ADCY5: variants seen among roughly 807,000 people sequenced by gnomAD.
The protein encoded by ADCY5 is adenylate cyclase type 5.
ADCY5 carries 30 observed loss-of-function variants against 119.7 expected under a neutral mutation model. That is an observed-to-expected ratio of 0.25 (90% CI 0.19 to 0.34). The LOEUF (loss-of-function observed/expected upper bound fraction) is 0.34. Ranked by LOEUF, ADCY5 falls within the 10% of genes least tolerant of loss-of-function variation. ADCY5 has a pLI of 1.00. For missense variants in ADCY5, 1,324 were observed against 1,775.2 expected (o/e 0.75, Z 4.57); for synonymous variants, 753 against 762.2 (o/e 0.99, Z 0.20).
At chr3:123,338,823 G>A (rs1942145594) in intron 3 of ADCY5, among the ~76,000 whole-genome samples, 1 of 152,224 alleles carries the variant, frequency 6.6e-6, no homozygotes, top group African/African-American at 2.4e-5. Flanking sequence ...TTGGTGAAGT[G>A]CATTTCCTCG....
At chr3:123,413,482 G>A (rs923319643) in intron 1 of ADCY5, among the ~76,000 whole-genome samples, 4 of 152,208 alleles carry the variant, frequency 2.6e-5, no homozygotes, top group Non-Finnish European at 4.4e-5. Flanking sequence ...GGCTTGCAGA[G>A]GGCCTCCCCT....
At position 123,286,629 on chromosome 3, in the gene ADCY5, G is replaced by T. The variant is rs76023261; in HGVS notation, c.3657+56C>A. ...GGTGGCCTGCCCTGAAGACCTCTCG[G>T]TGTCAGACACAGGACCTCCCATGGG... On this transcript the variant is annotated intron_variant, in intron 20 of 20. Coordinates refer to ENST00000462833, the MANE Select transcript of ADCY5 (RefSeq NM_183357.3). This position sits in a 1 kb window ranked among gnomAD's most constrained non-coding sequence, Gnocchi z 4.2. 6.7e-3 allele frequency: 10,295 copies of T among 1,534,696 alleles called. 399 individuals are homozygous for T. The East Asian group carries it at 0.069, about 10-fold the overall frequency.
At chr3:123,367,704 G>A (rs528170405) in intron 1 of ADCY5, among the ~76,000 whole-genome samples, 216 of 152,202 alleles carry the variant, frequency 1.4e-3, no homozygotes, top group Middle Eastern at 3.4e-3. Flanking sequence ...ACCTGAACTC[G>A]GAGTTCTGGT....
intron 1 of ADCY5, among the ~76,000 whole-genome samples, chr3:123,393,047 C>G (rs1349615165): frequency 1.3e-5 from 2 of 152,136 alleles, no homozygotes; most frequent in Non-Finnish European, 2.9e-5. Context: ...GTAATCAGAC[C>G]ACAAACAAGG....
intron 12 of ADCY5, among the ~76,000 whole-genome samples, chr3:123,313,806 C>T (rs1011047748): frequency 6.6e-6 from 1 of 152,206 alleles, no homozygotes; most frequent in East Asian, 1.9e-4. Flanking sequence ...TCTCTGAGGT[C>T]CCCTCCAGGG....
At chr3:123,333,789 G>A (rs1941894358) in intron 3 of ADCY5, among the ~76,000 whole-genome samples, 1 of 152,244 alleles carries the variant, frequency 6.6e-6, no homozygotes, top group Non-Finnish European at 1.5e-5. Flanking sequence ...TTTCAGGCCA[G>A]AATGATGGCC....
chr3:123,420,723 C>T (rs1559872843), intron 1 of ADCY5, among the ~76,000 whole-genome samples: 1 of 152,238 alleles, frequency 6.6e-6, no homozygotes, highest in Non-Finnish European at 1.5e-5. Context: ...CCTTCAGATC[C>T]TGCACTAGTC....
intron 3 of ADCY5, among the ~76,000 whole-genome samples, chr3:123,342,930 G>A (rs954479864): frequency 2.0e-5 from 3 of 152,180 alleles, no homozygotes; most frequent in Admixed American, 6.5e-5. Flanking sequence ...AGCCTCCTGC[G>A]CTGCGCGGGG....
chr3:123,353,406 A>G (rs1227155119), intron 1 of ADCY5, among the ~76,000 whole-genome samples: 1 of 152,214 alleles, frequency 6.6e-6, no homozygotes, highest in African/African-American at 2.4e-5. Context: ...TGTGTAGGCA[A>G]AATTTCTCTT....
At chr3:123,385,307 A>ACACACACACACACG (rs1231942064) in intron 1 of ADCY5, among the ~76,000 whole-genome samples, 6 of 151,206 alleles carry the variant, frequency 4.0e-5, no homozygotes, top group Admixed American at 1.3e-4. Flanking sequence ...ACACACACAC[A>ACACACACACACACG]CACGCACGCA....
intron 1 of ADCY5, among the ~76,000 whole-genome samples, chr3:123,373,766 C>CA (rs1175788722): frequency 3.0e-5 from 1 of 33,584 alleles, no homozygotes; most frequent in Non-Finnish European, 8.7e-5. Context: ...ACGCCCCCCC[C>CA]CCCCCGACCC....
chr3:123,296,037 T>G, intron 17 of ADCY5, 47 bp downstream of exon 17: 1 of 1,605,246 alleles, frequency 6.2e-7, no homozygotes, highest in Admixed American at 1.7e-5. Context: ...CTCCGCCACC[T>G]GCTCCCAAAT....
intron 1 of ADCY5, among the ~76,000 whole-genome samples, chr3:123,434,892 C>T (rs1232328177): frequency 6.6e-6 from 1 of 152,170 alleles, no homozygotes; most frequent in African/African-American, 2.4e-5. Context: ...TCAAAAGGAC[C>T]CGGGCCTAGG....
intron 15 of ADCY5, among the ~76,000 whole-genome samples, chr3:123,297,767 C>T (rs1939610225): frequency 6.6e-6 from 1 of 152,222 alleles, no homozygotes; most frequent in Non-Finnish European, 1.5e-5. Flanking sequence ...CGTGCAGCTA[C>T]TGAGCCTCAA....
At position 123,345,769 on chromosome 3, in the gene ADCY5, G is replaced by GACACACACACACACACACACACACAC. The variant is rs56185421; in HGVS notation, c.1406+1987_1406+2012dup. On this transcript the variant is annotated intron_variant, in intron 3 of 20. Transcript: ENST00000462833. ...AGACAGACAGACAGACAGACAGACAGACACACACACACACACACACACACA... is the reference window on the plus strand; with the variant it reads ...AGACAGACAGACAGACAGACAGACAGACACACACACACACACACACACACACACACACACACACACACACACACACA... Among the ~76,000 whole-genome samples, 270 of 113,806 alleles carry GACACACACACACACACACACACACAC rather than the reference G, an allele frequency of 2.4e-3. 8 individuals are homozygous for GACACACACACACACACACACACACAC. Among genetic ancestry groups the GACACACACACACACACACACACACAC allele is most frequent in the African/African-American group, 0.01 (256 of 25,350 alleles). The allele number at this position is 113,806 out of a possible 152,430, so 74.7% of individuals were successfully genotyped here. A position where few individuals can be genotyped will look rare whatever the true frequency, so the allele number is the denominator to read the frequency against.
intron 12 of ADCY5, among the ~76,000 whole-genome samples, chr3:123,305,055 C>T (rs1320936099): frequency 1.3e-5 from 2 of 152,176 alleles, no homozygotes; most frequent in Admixed American, 6.5e-5. Flanking sequence ...CCCCCAAGGG[C>T]AGACAGGGTG....
At position 123,402,342 on chromosome 3, in the gene ADCY5, G is replaced by A. The variant is rs993302717; in HGVS notation, c.1134+45070C>T. 3.3e-5 allele frequency among the ~76,000 whole-genome samples: 5 copies of A among 152,246 alleles called. 1 individual carries two copies. Among genetic ancestry groups the A allele is most frequent in the African/African-American group, 1.2e-4 (5 of 41,472 alleles). ...GCAGACCCAGAGGTGGAATGCCGGG[G>A]CTGCAGAGCATGGCTCCAACCCAGA... On this transcript the variant is annotated intron_variant, in intron 1 of 20. Transcript: ENST00000462833.
intron 1 of ADCY5, among the ~76,000 whole-genome samples, chr3:123,357,705 C>T (rs573974180): frequency 1.3e-5 from 2 of 152,226 alleles, no homozygotes; most frequent in South Asian, 4.2e-4. Context: ...TTAATAGCTG[C>T]CTTACACACA....
chr3:123,435,137 T>G (rs760102805), intron 1 of ADCY5, among the ~76,000 whole-genome samples: 1 of 151,940 alleles, frequency 6.6e-6, no homozygotes, highest in Non-Finnish European at 1.5e-5. Context: ...ACACAAAAAT[T>G]AGCTGGGCCT....
Sources: allele counts gnomAD v4.1 joint callset (sites outside exome capture counted in the v4.1 genomes callset), GRCh38; gene constraint gnomAD v4.1.1; non-coding constraint Gnocchi (gnomAD v3.1); transcripts MANE v1.5; gene names NCBI Gene and HGNC (gene_info 2026-07-23, HGNC 2026-07-21).